The following CDC73 variants were observed in gnomAD, a reference collection of about 807,000 sequenced individuals.
CDC73 encodes parafibromin.
A neutral mutation model predicts 83.7 loss-of-function variants in CDC73; 21 were observed. That is an observed-to-expected ratio of 0.25 (90% CI 0.18 to 0.36). CDC73 has a LOEUF of 0.36. Ranked by LOEUF, CDC73 falls within the 10% of genes least tolerant of loss-of-function variation. CDC73 has a pLI of 1.00. For synonymous variants in CDC73, 224 were observed against 212.9 expected (o/e 1.05, Z -0.45); for missense variants, 342 against 653.3 (o/e 0.52, Z 5.19).
intron 10 of CDC73, among the ~76,000 whole-genome samples, chr1:193,172,525 G>A (rs762208872): frequency 3.9e-5 from 6 of 152,036 alleles, no homozygotes; most frequent in African/African-American, 1.4e-4. Context: ...GCTAAGATCC[G>A]AGAGATGGAT....
At chr1:193,231,638 G>C (rs1040929674) in intron 13 of CDC73, among the ~76,000 whole-genome samples, 5 of 152,112 alleles carry the variant, frequency 3.3e-5, no homozygotes, top group African/African-American at 1.2e-4. Flanking sequence ...ATTTTTAAAT[G>C]ATATAGAAAT....
chr1:193,227,468 G>C (rs1305694722), intron 13 of CDC73, among the ~76,000 whole-genome samples: 1 of 150,376 alleles, frequency 6.6e-6, no homozygotes, highest in Non-Finnish European at 1.5e-5. Context: ...GCAAGACCTC[G>C]TTTCAAAAAA....
chr1:193,231,239 C>T (rs773719211), intron 13 of CDC73, among the ~76,000 whole-genome samples: 1 of 151,932 alleles, frequency 6.6e-6, no homozygotes, highest in Non-Finnish European at 1.5e-5. Context: ...TTTCAGAAGC[C>T]AGAAAAGAGG....
At chr1:193,230,870 C>T (rs1388869521) in intron 13 of CDC73, among the ~76,000 whole-genome samples, 2 of 152,100 alleles carry the variant, frequency 1.3e-5, no homozygotes, top group African/African-American at 2.4e-5. Context: ...AAATGAGATC[C>T]TTGCTGAAAA....
chr1:193,157,274 G>A (rs77656569), intron 10 of CDC73, among the ~76,000 whole-genome samples: 3,147 of 152,190 alleles, frequency 0.021, 108 homozygotes, highest in African/African-American at 0.071. Context: ...CTGCCTGTTC[G>A]TAAATGTTAG....
chr1:193,232,362 G>A (rs1022961053), intron 13 of CDC73, among the ~76,000 whole-genome samples: 3 of 152,080 alleles, frequency 2.0e-5, no homozygotes, highest in African/African-American at 7.2e-5. Flanking sequence ...TTATCATGAA[G>A]TTTTCCTCTA....
At chr1:193,194,405 C>CT (rs775567442) in intron 10 of CDC73, among the ~76,000 whole-genome samples, 4 of 152,118 alleles carry the variant, frequency 2.6e-5, no homozygotes, top group Non-Finnish European at 5.9e-5. Flanking sequence ...TACAGATCAA[C>CT]TTTTTTCACG....
chr1:193,224,516 TAC>T (rs1310207555), intron 13 of CDC73, among the ~76,000 whole-genome samples: 1 of 152,110 alleles, frequency 6.6e-6, no homozygotes, highest in Non-Finnish European at 1.5e-5. Flanking sequence ...CATTCACATA[TAC>T]ACATATATGA....
At chr1:193,143,810 G>T (rs893648746) in intron 7 of CDC73, among the ~76,000 whole-genome samples, 6 of 151,958 alleles carry the variant, frequency 3.9e-5, no homozygotes, top group African/African-American at 9.7e-5. Context: ...ACAAAAGTCA[G>T]GTTCAAGATT....
chr1:193,203,741 G>T, intron 10 of CDC73, 54 bp from the exon 11 acceptor site: 1 of 1,328,000 alleles, frequency 7.5e-7, no homozygotes, highest in Non-Finnish European at 1.1e-6. Context: ...TAATTAAAGT[G>T]TTTATTATGT....
chr1:193,147,739 A>G, intron 7 of CDC73, 128 bp from the exon 8 acceptor site: 1 of 688,102 alleles, frequency 1.5e-6, no homozygotes, highest in South Asian at 1.6e-5. Context: ...ATATGTGTAT[A>G]ATAATGATAC....
At chr1:193,160,701 A>G (rs1442408478) in intron 10 of CDC73, among the ~76,000 whole-genome samples, 1 of 152,012 alleles carries the variant, frequency 6.6e-6, no homozygotes, top group Non-Finnish European at 1.5e-5. Context: ...TTAACATACA[A>G]ATGCTTTTAT....
At chr1:193,194,086 A>T (rs1010488506) in intron 10 of CDC73, among the ~76,000 whole-genome samples, 7 of 152,196 alleles carry the variant, frequency 4.6e-5, no homozygotes, top group Admixed American at 3.9e-4. Flanking sequence ...TACATGGAAC[A>T]AAAGAAGAGC....
intron 15 of CDC73, 83 bp downstream of exon 15, chr1:193,236,439 A>C: frequency 1.1e-6 from 1 of 884,114 alleles, no homozygotes; most frequent in Non-Finnish European, 1.9e-6. Context: ...AGTTCTGCGC[A>C]TATGATGTGT....
At chr1:193,180,799 A>G in intron 10 of CDC73, 1 of 1,614,156 alleles carries the variant, frequency 6.2e-7, no homozygotes, top group South Asian at 1.1e-5. Flanking sequence ...GTTGACAAAC[A>G]TGTCACTGTC....
intron 13 of CDC73, among the ~76,000 whole-genome samples, chr1:193,212,776 G>C (rs1003027529): frequency 6.6e-6 from 1 of 152,098 alleles, no homozygotes; most frequent in East Asian, 1.9e-4. Flanking sequence ...GCTTGAGGAA[G>C]TTCTAAAGCA....
At chr1:193,234,220 C>CACACAT (rs1553291178) in intron 14 of CDC73, among the ~76,000 whole-genome samples, 20 of 31,726 alleles carry the variant, frequency 6.3e-4, no homozygotes, top group East Asian at 2.0e-3. Context: ...CACACACACA[C>CACACAT]ATATATATAT....
chr1:193,122,735 C>T (rs1362927422), intron 1 of CDC73, among the ~76,000 whole-genome samples: 3 of 151,880 alleles, frequency 2.0e-5, no homozygotes, highest in African/African-American at 7.3e-5. Flanking sequence ...CTTTTCCAGG[C>T]TGCTATGTAA....
intron 10 of CDC73, among the ~76,000 whole-genome samples, chr1:193,153,404 C>T (rs917993051): frequency 3.3e-5 from 5 of 152,040 alleles, no homozygotes; most frequent in Non-Finnish European, 7.4e-5. Context: ...TTTTAAAATA[C>T]TATGCATGTG....
Sources: allele counts gnomAD v4.1 joint callset (sites outside exome capture counted in the v4.1 genomes callset), GRCh38; gene constraint gnomAD v4.1.1; transcripts MANE v1.5; gene names NCBI Gene and HGNC (gene_info 2026-07-23, HGNC 2026-07-21).